NDUFAF1: variants seen among roughly 807,000 people sequenced by gnomAD.
The protein encoded by NDUFAF1 is NADH:ubiquinone oxidoreductase complex assembly factor 1, also known as complex I intermediate-associated protein 30, mitochondrial.
In NDUFAF1, 18 loss-of-function variants were observed where a neutral mutation model predicts 28.7. The ratio of observed to expected loss-of-function variants is 0.63; its 90% CI spans 0.43 to 0.93. The LOEUF is 0.93. Ranked by LOEUF, NDUFAF1 falls within the 40% of genes least tolerant of loss-of-function variation. The probability of loss-of-function intolerance (pLI) is 0.00; values close to 1 mark genes in which losing one functional copy is unlikely to be tolerated. For missense variants in NDUFAF1, 404 were observed against 398.3 expected (o/e 1.01, Z -0.12); for synonymous variants, 113 against 139.7 (o/e 0.81, Z 1.35).
At position 41,396,749 on chromosome 15, in the gene NDUFAF1, T is replaced by C. The variant is rs1237152841; in HGVS notation, c.311A>G (p.His104Arg). ...FRLLKDEIVD[H>R]WRGPEGHPLH... is the part of the protein sequence containing the mutation. ...AGGGTGGCCTTCCGGTCCTCTCCAATGATCCACAATTTCATCCTTCAAAAG... is the reference window on the plus strand; with the variant it reads ...AGGGTGGCCTTCCGGTCCTCTCCAACGATCCACAATTTCATCCTTCAAAAG... The change falls in exon 2 of 5, where the codon CAT becomes CGT. Residue 104 changes from histidine (H) to arginine (R), a missense_variant. His to Arg is a conservative substitution (Grantham distance 29). Transcript: ENST00000260361. 1 of 1,614,198 alleles carries C rather than the reference T, an allele frequency of 6.2e-7. No homozygotes were observed. The highest frequency in any genetic ancestry group is 8.5e-7 in the Non-Finnish European group (1 of 1,180,036).
At chr15:41,389,489 G>C (rs1383844014) in intron 3 of NDUFAF1, among the ~76,000 whole-genome samples, 4 of 152,090 alleles carry the variant, frequency 2.6e-5, no homozygotes, top group Admixed American at 1.3e-4. Context: ...GGAAGAAAAT[G>C]GCTGGGCCTG....
At chr15:41,394,215 G>C in intron 3 of NDUFAF1, 1 of 484,096 alleles carries the variant, frequency 2.1e-6, no homozygotes, top group Non-Finnish European at 3.9e-6. Context: ...TTTTTTAGTA[G>C]AGACAACAGG....
rs111326645 is a variant in NDUFAF1, at chr15:41,402,448, T to A, written c.-386A>T. The A allele has an allele frequency of 0.027, 11,597 of 422,968 alleles. 279 individuals are homozygous for A. The highest frequency in any genetic ancestry group is 0.077 in the Middle Eastern group (100 of 1,292). The allele number at this position is 422,968 out of a possible 1,614,324, so 26.2% of individuals were successfully genotyped here. ...AACCGCCGGCCTGCCGCCGCTTACC[T>A]CCCCGAGCCTATAGTGTACCTTCCG... On this transcript the variant is annotated 5_prime_UTR_variant, in exon 1 of 5. Transcript: ENST00000260361.
At chr15:41,402,577 G>A (rs1287143559), upstream of NDUFAF1, 2 of 259,838 alleles carry the variant, frequency 7.7e-6, no homozygotes, top group African/African-American at 4.4e-5. Flanking sequence ...AGCCCAGGAA[G>A]GACAGCAAGG....
chr15:41,402,123 G>A (rs1012099154), intron 1 of NDUFAF1, 21 bp downstream of exon 1: 9 of 440,200 alleles, frequency 2.0e-5, no homozygotes, highest in Non-Finnish European at 4.2e-5. Context: ...AGTAGAATTA[G>A]TAAAGCTATC....
chr15:41,388,516 A>C lies in NDUFAF1; in HGVS notation c.766T>G (p.Phe256Val). ...GPYWQEVKIP[F>V]SKFFFSNRGR... ...CGATTAGAGAAGAAAAATTTGGAAA[A>C]AGGAATCTGAAAGAAGAAACCATTT... is the stretch of plus-strand genomic sequence containing the variant. The change falls in exon 4 of 5, where the codon TTT (phenylalanine) becomes GTT (valine). Residue 256 changes from phenylalanine to valine, a missense_variant. Phe to Val is a conservative substitution (Grantham distance 50). Coordinates refer to ENST00000260361, the MANE Select transcript of NDUFAF1 (RefSeq NM_016013.4). 1 of 1,608,644 alleles carries C rather than the reference A, an allele frequency of 6.2e-7. No individual in the cohort carries two copies. The highest frequency in any genetic ancestry group is 8.5e-7 in the Non-Finnish European group (1 of 1,175,004).
intron 1 of NDUFAF1, 33 bp from the exon 2 acceptor site, chr15:41,397,173 C>A: frequency 1.2e-6 from 1 of 821,368 alleles, no homozygotes; most frequent in South Asian, 1.6e-5. Flanking sequence ...GAATTATCAG[C>A]ATAGCAATGA....
chr15:41,388,563 C>A (rs1317097454), intron 3 of NDUFAF1, 41 bp from the exon 4 acceptor site: 2 of 1,257,568 alleles, frequency 1.6e-6, no homozygotes, highest in African/African-American at 3.0e-5. Context: ...GAAATGTAAG[C>A]AATTGAGGCA....
At chr15:41,392,561 A>G (rs928330039) in intron 3 of NDUFAF1, among the ~76,000 whole-genome samples, 1 of 151,978 alleles carries the variant, frequency 6.6e-6, no homozygotes, top group Non-Finnish European at 1.5e-5. Context: ...TTCTCACAAG[A>G]TCTGATGGTT....
intron 1 of NDUFAF1, among the ~76,000 whole-genome samples, chr15:41,401,234 C>T (rs867664351): frequency 6.1e-5 from 9 of 147,524 alleles, no homozygotes; most frequent in Non-Finnish European, 1.3e-4. Flanking sequence ...TCCTAAAGTA[C>T]TGGGATTACA....
intron 1 of NDUFAF1, among the ~76,000 whole-genome samples, chr15:41,401,654 G>C (rs2050465139): frequency 6.6e-6 from 1 of 151,732 alleles, no homozygotes; most frequent in Non-Finnish European, 1.5e-5. Context: ...TCGAACTCCT[G>C]ACCTCAAGTG....
chr15:41,392,066 CTTTT>C (rs1162627793), intron 3 of NDUFAF1, among the ~76,000 whole-genome samples: 7 of 115,668 alleles, frequency 6.1e-5, no homozygotes, highest in Non-Finnish European at 5.3e-5. Context: ...GGACTTTATT[CTTTT>C]TTTTTTTTTT....
intron 3 of NDUFAF1, among the ~76,000 whole-genome samples, chr15:41,390,808 G>T (rs1392183244): frequency 1.3e-5 from 2 of 151,874 alleles, no homozygotes; most frequent in African/African-American, 4.8e-5. Flanking sequence ...CGAGGTGGGC[G>T]GATCATGAGG....
At chr15:41,399,855 C>CAAA (rs35139337) in intron 1 of NDUFAF1, among the ~76,000 whole-genome samples, 1 of 42,036 alleles carries the variant, frequency 2.4e-5, no homozygotes, top group Non-Finnish European at 4.2e-5. Context: ...GACTCCTTCT[C>CAAA]AAAAAAAAAA....
rs369431865 is a variant in NDUFAF1, at chr15:41,402,199, G to C, written c.-137C>G. The C allele has an allele frequency of 4.4e-6, 2 of 453,976 alleles. No homozygotes were observed. The highest frequency in any genetic ancestry group is 4.0e-5 in the African/African-American group (2 of 50,000). 28.1% of individuals were successfully genotyped at this position (453,976 alleles called of 1,614,324 possible). A position where few individuals can be genotyped will look rare whatever the true frequency, so the allele number is the denominator to read the frequency against. Reference sequence around the variant, plus strand: ...CTGACGGCTCACAACAATCCTGAGAGAGGTACTATTATTATTTCAATTATA... The same window carrying C: ...CTGACGGCTCACAACAATCCTGAGACAGGTACTATTATTATTTCAATTATA... On this transcript the variant is annotated 5_prime_UTR_variant, in exon 1 of 5. Coordinates refer to ENST00000260361, the MANE Select transcript of NDUFAF1 (RefSeq NM_016013.4).
intron 1 of NDUFAF1, among the ~76,000 whole-genome samples, chr15:41,399,551 CTG>C (rs1157172557): frequency 6.6e-6 from 1 of 150,566 alleles, no homozygotes; most frequent in Non-Finnish European, 1.5e-5. Flanking sequence ...AAGTGAAACT[CTG>C]TCTCAAAAAA....
In NDUFAF1 at chr15:41,395,008, G is replaced by A; in HGVS notation, c.610C>T (p.Gln204Ter). The A allele has an allele frequency of 2.5e-6, 4 of 1,614,086 alleles. No individual in the cohort carries two copies. Among genetic ancestry groups the A allele is most frequent in the Non-Finnish European group, 3.4e-6 (4 of 1,180,018 alleles). Residue 204 changes from glutamine to a stop codon, truncating the protein, a stop_gained, in exon 3 of 5, where the codon CAG becomes TAG. Transcript: ENST00000260361. LOFTEE classifies it high-confidence loss of function. ...ACACGGAGATACAGAGTATTGAACT[G>A]GGACCAATCGTAAGACATCTTCCTC... ...FERKMSYDWS[Q>*]FNTLYLRVRG...
chr15:41,391,454 AT>A (rs2050314891), intron 3 of NDUFAF1, among the ~76,000 whole-genome samples: 1 of 151,640 alleles, frequency 6.6e-6, no homozygotes, highest in Non-Finnish European at 1.5e-5. Context: ...ATGAAACCCC[AT>A]CTCTCCTAAA....
rs369613919 is a variant in NDUFAF1 at position 41,387,479 on chromosome 15, T to C, written c.949A>G (p.Asn317Asp). Reference protein sequence around the residue: ...PAHTEEFAYENSPELNPRLFK With the variant: ...PAHTEEFAYEDSPELNPRLFK ...AGCCTTGGGTTAAGCTCTGGAGAAT[T>C]TTCATAGGCAAATTCTTCTGTATGA... is the stretch of plus-strand genomic sequence containing the variant. The change falls in exon 5 of 5, where the codon AAT (asparagine) becomes GAT (aspartate). Residue 317 changes from asparagine (N) to aspartate (D), a missense_variant. Transcript: ENST00000260361. 65 of 1,613,804 alleles carry C rather than the reference T, an allele frequency of 4.0e-5. No homozygotes were observed. Among genetic ancestry groups the C allele is most frequent in the African/African-American group, 2.1e-4 (16 of 74,928 alleles).
Sources: gnomAD v4.1 joint callset for allele counts (sites outside exome capture counted in the v4.1 genomes callset) on GRCh38, gnomAD v4.1.1 for gene constraint, MANE v1.5 for transcripts, NCBI Gene and HGNC (gene_info 2026-07-23, HGNC 2026-07-21) for gene names.